NDUFA10: variants seen among roughly 807,000 people sequenced by gnomAD.
NDUFA10 encodes NADH dehydrogenase [ubiquinone] 1 alpha subcomplex subunit 10, mitochondrial.
Under a neutral mutation model 47.8 loss-of-function variants are expected in NDUFA10, and 40 were observed. That is an observed-to-expected ratio of 0.84 (90% CI 0.65 to 1.09). The LOEUF (loss-of-function observed/expected upper bound fraction) is 1.09. NDUFA10 is among the 50% of genes least tolerant of loss of function. The pLI, the probability that NDUFA10 is intolerant of heterozygous loss-of-function variation, is 0.00. For missense variants in NDUFA10, 413 were observed against 451.1 expected, an observed-to-expected ratio of 0.92 and a Z score of 0.76; for synonymous variants, 183 against 172.2, an observed-to-expected ratio of 1.06 and a Z score of -0.49.
At chr2:239,909,790 ACTAT>A (rs1693717475) in intron 4 of NDUFA10, among the ~76,000 whole-genome samples, 1 of 152,186 alleles carries the variant, frequency 6.6e-6, no homozygotes, top group East Asian at 1.9e-4. Context: ...AGCAAAAGAA[ACTAT>A]CTATCATCAG....
Position 239,959,475 on chromosome 2 carries a change from C to G in NDUFA10, c.*1643G>C. 1.0e-6 allele frequency: 1 copy of G among 985,498 alleles called. No homozygotes were observed. The highest frequency in any genetic ancestry group is 1.2e-6 in the Non-Finnish European group (1 of 829,948). 61.0% of individuals were successfully genotyped at this position (985,498 alleles called of 1,614,324 possible). A position where few individuals can be genotyped will look rare whatever the true frequency, so the allele number is the denominator to read the frequency against. ...TGTGAAGTGCTCAGAGCAAAAGACA[C>G]TCTGTGACTGGCCCAATGCCCAGCT... On this transcript the variant is annotated 3_prime_UTR_variant, in exon 10 of 10. Transcript: ENST00000252711.
chr2:239,948,534 A>G (rs768849182), intron 4 of NDUFA10, among the ~76,000 whole-genome samples: 1 of 152,244 alleles, frequency 6.6e-6, no homozygotes, highest in Non-Finnish European at 1.5e-5. Context: ...GGAAAACCCA[A>G]TGTAAAAAGC....
chr2:239,981,702 A>G (rs536907742), intron 9 of NDUFA10, among the ~76,000 whole-genome samples: 1 of 152,318 alleles, frequency 6.6e-6, no homozygotes, highest in East Asian at 1.9e-4. Flanking sequence ...ACCCATCATA[A>G]AACATGCATG....
chr2:239,918,387 C>T (rs566052832), intron 4 of NDUFA10, among the ~76,000 whole-genome samples: 20 of 152,294 alleles, frequency 1.3e-4, no homozygotes, highest in Admixed American at 7.2e-4. Flanking sequence ...GCCTTGAACC[C>T]GAGGCCTCCT....
rs1306192895 is a variant in NDUFA10 at position 240,014,738 on chromosome 2, C to G, written c.669+1G>C. ...TGGCCTTTGATTGAAAACTGCATTA[C>G]ATCTCCTTTCTTCTGAATCCGCCTC... On this transcript the variant is annotated splice_donor_variant, in intron 5 of 9. Coordinates refer to ENST00000252711, the MANE Select transcript of NDUFA10 (RefSeq NM_004544.4). LOFTEE classifies it high-confidence loss of function. 6.2e-7 allele frequency: 1 copy of G among 1,614,214 alleles called. No homozygotes were observed. The highest frequency in any genetic ancestry group is 8.5e-7 in the Non-Finnish European group (1 of 1,180,014).
rs570224608 is a variant in NDUFA10 at position 239,987,214 on chromosome 2, C to G, written c.999+2860G>C. Among the ~76,000 whole-genome samples, 191 of 152,194 alleles carry G rather than the reference C, an allele frequency of 1.3e-3. 1 individual carries two copies. Among genetic ancestry groups the G allele is most frequent in the Non-Finnish European group, 4.4e-4 (30 of 68,008 alleles). Reference sequence around the variant, plus strand: ...GCCTGTGGACTGGACAGCAGTAACGCGTGATGCTCATTTCCTGACTCTGAC... The same window carrying G: ...GCCTGTGGACTGGACAGCAGTAACGGGTGATGCTCATTTCCTGACTCTGAC... On this transcript the variant is annotated intron_variant, in intron 9 of 9. Transcript: ENST00000252711. This position sits in a 1 kb window ranked among gnomAD's most constrained non-coding sequence, Gnocchi z 4.8.
At chr2:239,977,265 G>C (rs2106420680) in intron 9 of NDUFA10, among the ~76,000 whole-genome samples, 1 of 152,316 alleles carries the variant, frequency 6.6e-6, no homozygotes, top group East Asian at 1.9e-4. Context: ...GGCAGGTGCA[G>C]GTGGGCGAGC....
chr2:239,961,922 A>T (rs972613536), intron 9 of NDUFA10, among the ~76,000 whole-genome samples: 1 of 152,166 alleles, frequency 6.6e-6, no homozygotes, highest in Non-Finnish European at 1.5e-5. Context: ...ACCATCTGGG[A>T]GAGATCAGGG....
At chr2:239,899,029 GGTGTAAAGGAGGGGTGTGATGGAGGA>G (rs1185848234) in intron 4 of NDUFA10, among the ~76,000 whole-genome samples, 3 of 101,832 alleles carry the variant, frequency 2.9e-5, no homozygotes, top group Admixed American at 9.8e-5. Flanking sequence ...GTCATGGAGG[GGTGTAAAGGAGGGGTGTGATGGAGGA>G]GTGTGATGGA....
In NDUFA10 at chr2:239,960,903, C is replaced by A; in HGVS notation, c.*215G>T. 1 of 1,453,326 alleles carries A rather than the reference C, an allele frequency of 6.9e-7. No individual in the cohort carries two copies. The allele number at this position is 1,453,326 out of a possible 1,614,324, so 90.0% of individuals were successfully genotyped here. A position where few individuals can be genotyped will look rare whatever the true frequency, so the allele number is the denominator to read the frequency against. Reference sequence around the variant, plus strand: ...AATGGTGGGCCATTCCAAAACAAAGCTAAAGGGTTCCAAACATCCAGAATG... The same window carrying A: ...AATGGTGGGCCATTCCAAAACAAAGATAAAGGGTTCCAAACATCCAGAATG... On this transcript the variant is annotated 3_prime_UTR_variant, in exon 10 of 10. Transcript: ENST00000252711.
intron 8 of NDUFA10, among the ~76,000 whole-genome samples, chr2:239,992,685 C>T (rs1455800505): frequency 6.6e-6 from 1 of 152,174 alleles, no homozygotes; most frequent in Non-Finnish European, 1.5e-5. Flanking sequence ...CTGACGTGTC[C>T]TCGGAGGTCC....
At chr2:239,904,684 C>T (rs750770164) in intron 4 of NDUFA10, among the ~76,000 whole-genome samples, 1 of 152,230 alleles carries the variant, frequency 6.6e-6, no homozygotes, top group Non-Finnish European at 1.5e-5. Context: ...AGGGCCCCAC[C>T]CCAGCCTGGT....
At chr2:239,956,194 G>A (rs1694648968), downstream of NDUFA10, among the ~76,000 whole-genome samples, 1 of 152,150 alleles carries the variant, frequency 6.6e-6, no homozygotes, top group South Asian at 2.1e-4. Context: ...GCGTCCCCAG[G>A]GGCTCCAGCG....
chr2:239,982,305 T>A lies in NDUFA10; in HGVS notation c.999+7769A>T, dbSNP rs113943300. 2.7e-5 allele frequency: 42 copies of A among 1,562,470 alleles called. No homozygotes were observed. In the African/African-American group the frequency reaches 5.3e-4, roughly 20 times the overall value. ...TTCTTTAGTTACTTGTCTTTTGCAA[T>A]TTTCATAAAGCAAAACCTGAACTCT... On this transcript the variant is annotated intron_variant, in intron 9 of 9. Coordinates refer to ENST00000252711, the MANE Select transcript of NDUFA10 (RefSeq NM_004544.4).
intron 9 of NDUFA10, among the ~76,000 whole-genome samples, chr2:239,966,408 GTGTGCACACT>G (rs1409767964): frequency 6.6e-6 from 1 of 152,192 alleles, no homozygotes; most frequent in Non-Finnish European, 1.5e-5. Context: ...ACACATGAGG[GTGTGCACACT>G]GCAGCCCAGC....
intron 9 of NDUFA10, among the ~76,000 whole-genome samples, chr2:239,964,361 G>A (rs1276433937): frequency 3.9e-5 from 6 of 152,132 alleles, no homozygotes; most frequent in Admixed American, 3.9e-4. Flanking sequence ...AGCTGGAAAG[G>A]GAAAGGACAC....
chr2:239,986,383 C>T (rs1696003172), intron 9 of NDUFA10, among the ~76,000 whole-genome samples: 1 of 152,142 alleles, frequency 6.6e-6, no homozygotes, highest in African/African-American at 2.4e-5. Context: ...AGCTACGCCC[C>T]GTGGGATTCC....
At chr2:239,916,341 AAC>A (rs370724891) in intron 4 of NDUFA10, among the ~76,000 whole-genome samples, 5,637 of 150,966 alleles carry the variant, frequency 0.037, 354 homozygotes, top group African/African-American at 0.13. Context: ...ACATGCACAG[AAC>A]ACACACAGAC....
intron 9 of NDUFA10, among the ~76,000 whole-genome samples, chr2:239,981,942 C>G (rs2106429253): frequency 6.6e-6 from 1 of 152,002 alleles, no homozygotes; most frequent in East Asian, 1.9e-4. Flanking sequence ...AATTGCCTAG[C>G]AGGGTAATGG....
Sources: allele counts gnomAD v4.1 joint callset (sites outside exome capture counted in the v4.1 genomes callset), GRCh38; gene constraint gnomAD v4.1.1; non-coding constraint Gnocchi (gnomAD v3.1); transcripts MANE v1.5; gene names NCBI Gene and HGNC (gene_info 2026-07-23, HGNC 2026-07-21).